The following ANKRD44 variants were observed in gnomAD, a reference collection of about 807,000 sequenced individuals.
ANKRD44 encodes the protein ankyrin repeat domain 44, also known as serine/threonine-protein phosphatase 6 regulatory ankyrin repeat subunit B.
Under a neutral mutation model 116.0 loss-of-function variants are expected in ANKRD44, and 35 were observed. That is an observed-to-expected ratio of 0.30 (90% CI 0.23 to 0.40). The LOEUF (loss-of-function observed/expected upper bound fraction) is 0.40, where lower values mean the gene tolerates loss of function less well. ANKRD44 is among the 10% of genes least tolerant of loss of function. The pLI, the probability that ANKRD44 is intolerant of heterozygous loss-of-function variation, is 1.00. For missense variants in ANKRD44, 1,014 were observed against 1,242.6 expected (o/e 0.82, Z 2.77); for synonymous variants, 435 against 461.8 (o/e 0.94, Z 0.74).
chr2:196,995,338 A>G, intron 26 of ANKRD44, 41 bp downstream of exon 26: 2 of 1,433,264 alleles, frequency 1.4e-6, no homozygotes, highest in South Asian at 1.2e-5. Context: ...ATAAATGACT[A>G]TGACCCTGGG....
intron 1 of ANKRD44, among the ~76,000 whole-genome samples, chr2:197,283,946 T>C (rs1232852600): frequency 3.9e-5 from 6 of 152,224 alleles, no homozygotes; most frequent in Non-Finnish European, 5.9e-5. Flanking sequence ...ATTCAGTTAC[T>C]TAACTAGGCA....
chr2:197,015,650 G>A, intron 17 of ANKRD44: 1 of 559,162 alleles, frequency 1.8e-6, no homozygotes, highest in Non-Finnish European at 3.3e-6. Context: ...GGTGGTGGCA[G>A]CAGAGGTAGT....
intron 16 of ANKRD44, among the ~76,000 whole-genome samples, chr2:197,042,435 A>T (rs2076927633): frequency 6.6e-6 from 1 of 151,908 alleles, no homozygotes; most frequent in Non-Finnish European, 1.5e-5. Flanking sequence ...AATACTGTCC[A>T]TAAGACTCAA....
intron 8 of ANKRD44, among the ~76,000 whole-genome samples, chr2:197,115,308 G>A (rs2078681567): frequency 6.6e-6 from 1 of 152,144 alleles, no homozygotes. Context: ...AGAGCCTTGA[G>A]ATGCTACAGA....
At chr2:197,000,601 G>T in intron 22 of ANKRD44, 99 bp from the exon 23 acceptor site, 1 of 984,168 alleles carries the variant, frequency 1.0e-6, no homozygotes, top group Non-Finnish European at 1.6e-6. Flanking sequence ...ACAATCTGAA[G>T]CATTTAAAAA....
At position 196,995,381 on chromosome 2, in the gene ANKRD44, C is replaced by A. The variant is rs781358823; in HGVS notation, c.2829G>T (p.Gln943His). 2.5e-6 allele frequency: 4 copies of A among 1,609,530 alleles called. No individual in the cohort carries two copies. Among genetic ancestry groups the A allele is most frequent in the Non-Finnish European group, 3.4e-6 (4 of 1,176,940 alleles). ...CCAACTTTAGTAGTTACACTTACGT[C>A]TGCAGTGCATTATTTTTTTCATTAA... is the stretch of plus-strand genomic sequence containing the variant. ...SLINEKNNALQTPLHVAARNG... is the reference protein window; with the variant it reads ...SLINEKNNALHTPLHVAARNG... The change falls in exon 26 of 28, where the codon CAG becomes CAT. Residue 943 changes from glutamine to histidine, a missense_variant and splice_region_variant. By Grantham distance (24) the Gln-to-His change is conservative (BLOSUM62 0). Coordinates refer to ENST00000282272, the MANE Select transcript of ANKRD44 (RefSeq NM_001195144.2).
chr2:197,062,850 C>T (rs2077345912), intron 16 of ANKRD44, among the ~76,000 whole-genome samples: 1 of 152,254 alleles, frequency 6.6e-6, no homozygotes, highest in Non-Finnish European at 1.5e-5. Flanking sequence ...CCCACCACAG[C>T]TCAAGGAGGC....
chr2:197,197,398 C>T (rs1574253235), intron 1 of ANKRD44, among the ~76,000 whole-genome samples: 1 of 152,188 alleles, frequency 6.6e-6, no homozygotes, highest in Admixed American at 6.5e-5. Context: ...TACACACTAC[C>T]CCCTCCAACA....
intron 1 of ANKRD44, among the ~76,000 whole-genome samples, chr2:197,197,396 AC>A (rs1200315548): frequency 6.6e-6 from 1 of 152,146 alleles, no homozygotes; most frequent in Non-Finnish European, 1.5e-5. Flanking sequence ...TTTACACACT[AC>A]CCCCTCCAAC....
chr2:197,159,848 T>C (rs911954027), intron 2 of ANKRD44, among the ~76,000 whole-genome samples: 18 of 152,152 alleles, frequency 1.2e-4, no homozygotes, highest in Admixed American at 1.1e-3. Flanking sequence ...CACACCAATA[T>C]TTGGTGACCC....
chr2:197,206,300 T>C (rs1313331326), intron 1 of ANKRD44, among the ~76,000 whole-genome samples: 1 of 152,186 alleles, frequency 6.6e-6, no homozygotes, highest in Non-Finnish European at 1.5e-5. Context: ...CATACAAGCA[T>C]GGGTGAAAAC....
At chr2:197,152,878 C>G (rs973335041) in intron 2 of ANKRD44, among the ~76,000 whole-genome samples, 1 of 152,058 alleles carries the variant, frequency 6.6e-6, no homozygotes, top group South Asian at 2.1e-4. Flanking sequence ...CATACCAAGA[C>G]AGAAAGATGG....
chr2:196,990,444 G>A, intron 27 of ANKRD44: 1 of 1,184,228 alleles, frequency 8.4e-7, no homozygotes. Context: ...ATGAGAGGTA[G>A]ACTTTCACAG....
intron 1 of ANKRD44, among the ~76,000 whole-genome samples, chr2:197,257,271 C>T (rs998805906): frequency 2.6e-5 from 4 of 152,230 alleles, no homozygotes; most frequent in African/African-American, 7.2e-5. Context: ...CATGTAGACC[C>T]ACCTGGGAAA....
At chr2:197,077,782 T>C (rs557209258) in intron 16 of ANKRD44, 3 of 152,174 alleles carry the variant, frequency 2.0e-5, no homozygotes, top group Non-Finnish European at 2.9e-5. Context: ...ACAGTGTAAA[T>C]TAAGATCAAT....
chr2:196,987,523 A>T lies in ANKRD44; in HGVS notation c.*2068T>A, dbSNP rs771529489. 3.6e-5 allele frequency: 35 copies of T among 985,442 alleles called. No individual in the cohort carries two copies. The highest frequency in any genetic ancestry group is 3.9e-5 in the Non-Finnish European group (32 of 829,904). The allele number at this position is 985,442 out of a possible 1,614,324, so 61.0% of individuals were successfully genotyped here. ...TTGCTCAACAGTACAAAGAATAACT[A>T]GTGCAGCAAATCCATTTGATGTTCT... On this transcript the variant is annotated 3_prime_UTR_variant, in exon 28 of 28. Coordinates refer to ENST00000282272, the MANE Select transcript of ANKRD44 (RefSeq NM_001195144.2).
intron 19 of ANKRD44, among the ~76,000 whole-genome samples, chr2:197,008,575 T>C (rs1002646918): frequency 5.3e-5 from 8 of 152,184 alleles, no homozygotes; most frequent in African/African-American, 1.9e-4. Flanking sequence ...ATTTTAATAA[T>C]AGAGATAACC....
chr2:197,136,123 A>C (rs1202040957), intron 4 of ANKRD44: 1 of 174,138 alleles, frequency 5.7e-6, no homozygotes, highest in Non-Finnish European at 1.2e-5. Flanking sequence ...CTATAGCCTG[A>C]GTTCCAGTTA....
At chr2:197,172,490 G>A (rs2080263896) in intron 2 of ANKRD44, among the ~76,000 whole-genome samples, 1 of 152,120 alleles carries the variant, frequency 6.6e-6, no homozygotes, top group Admixed American at 6.5e-5. Context: ...TACCTCTATT[G>A]CAGTACTGAC....
Sources: allele counts gnomAD v4.1 joint callset (sites outside exome capture counted in the v4.1 genomes callset), GRCh38; gene constraint gnomAD v4.1.1; transcripts MANE v1.5; gene names NCBI Gene and HGNC (gene_info 2026-07-23, HGNC 2026-07-21).